Variants in PCDHGB2 observed in about 807,000 individuals in gnomAD.
The protein encoded by PCDHGB2 is protocadherin gamma-B2.
PCDHGB2 carries 55 observed loss-of-function variants against 59.3 expected under a neutral mutation model. The ratio of observed to expected loss-of-function variants is 0.93; its 90% CI spans 0.75 to 1.16. The LOEUF (loss-of-function observed/expected upper bound fraction) is 1.16. Among genes scored for constraint, PCDHGB2 ranks in the 50% most tolerant of loss-of-function variants. The pLI, the probability that PCDHGB2 is intolerant of heterozygous loss-of-function variation, is 0.00. For synonymous variants in PCDHGB2, 516 were observed against 512.0 expected (o/e 1.01, Z -0.11); for missense variants, 1,228 against 1,198.5 (o/e 1.02, Z -0.36).
intron 1 of PCDHGB2, chr5:141,398,925 C>G (rs766149685): frequency 1.1e-5 from 17 of 1,613,966 alleles, no homozygotes; most frequent in Non-Finnish European, 1.4e-5. Flanking sequence ...AAGTGTCAGC[C>G]ACTGACCAAG....
chr5:141,485,226 T>C lies in PCDHGB2; in HGVS notation c.2422-9581T>C. ...GAAATCTGGCGGTGGGCTACCCTTT[T>C]GTTCCTCTTTTACCACCTGGGTTAC... On this transcript the variant is annotated intron_variant, in intron 1 of 3. Transcript: ENST00000522605. The surrounding 1 kb of genome is among the most constrained non-coding windows in gnomAD (Gnocchi z 5.7). 1.9e-6 allele frequency: 3 copies of C among 1,614,170 alleles called. No homozygotes were observed. Among genetic ancestry groups the C allele is most frequent in the Non-Finnish European group, 2.5e-6 (3 of 1,180,026 alleles).
At chr5:141,362,964 A>C (rs1762745634) in intron 1 of PCDHGB2, among the ~76,000 whole-genome samples, 1 of 152,250 alleles carries the variant, frequency 6.6e-6, no homozygotes, top group South Asian at 2.1e-4. Flanking sequence ...TTGGGAAACA[A>C]AGAAGAAAGA....
chr5:141,418,626 C>A (rs1237600131), intron 1 of PCDHGB2: 2 of 1,613,902 alleles, frequency 1.2e-6, no homozygotes, highest in African/African-American at 2.7e-5. Context: ...GAAGACGTGC[C>A]TCCAGGCACC....
intron 1 of PCDHGB2, chr5:141,376,397 C>T (rs761002002): frequency 6.8e-6 from 11 of 1,614,110 alleles, no homozygotes; most frequent in South Asian, 3.3e-5. Flanking sequence ...GATTTTCCCC[C>T]AGCCCAACTA....
intron 1 of PCDHGB2, chr5:141,415,543 G>A (rs1561758242): frequency 6.2e-7 from 1 of 1,614,130 alleles, no homozygotes; most frequent in East Asian, 2.2e-5. Context: ...GGAGAGCTGT[G>A]AGAAAAACGA....
At chr5:141,375,232 C>A in intron 1 of PCDHGB2, 1 of 1,613,986 alleles carries the variant, frequency 6.2e-7, no homozygotes, top group South Asian at 1.1e-5. Context: ...GCCTGGTAAC[C>A]TGTTCCATCC....
In PCDHGB2 at chr5:141,432,017, A is replaced by G. The variant is rs372826902; in HGVS notation, c.2422-62790A>G. The stretch of plus-strand genomic sequence containing the variant: ...TAGGGAACAGGTTCCTAGCTACAAC[A>G]TCACAGTGACCGCCACTGACCGGGG... On this transcript the variant is annotated intron_variant, in intron 1 of 3. Coordinates refer to ENST00000522605, the MANE Select transcript of PCDHGB2 (RefSeq NM_018923.3). This position sits in a 1 kb window ranked among gnomAD's most constrained non-coding sequence, Gnocchi z 6.0. The G allele has an allele frequency of 6.2e-7, 1 of 1,614,224 alleles. No individual in the cohort carries two copies. Among genetic ancestry groups the G allele is most frequent in the Non-Finnish European group, 8.5e-7 (1 of 1,180,038 alleles).
intron 1 of PCDHGB2, chr5:141,390,389 G>C: frequency 7.1e-7 from 1 of 1,405,538 alleles, no homozygotes; most frequent in Non-Finnish European, 9.7e-7. Context: ...AGATGTCATG[G>C]ATCATTTTAG....
intron 1 of PCDHGB2, among the ~76,000 whole-genome samples, chr5:141,381,177 C>G (rs935775632): frequency 6.6e-6 from 1 of 152,214 alleles, no homozygotes; most frequent in African/African-American, 2.4e-5. Context: ...TCCCACAAAA[C>G]GAAGTTAAGC....
chr5:141,405,471 A>C, intron 1 of PCDHGB2: 6 of 1,084,370 alleles, frequency 5.5e-6, no homozygotes, highest in Non-Finnish European at 7.9e-6. Context: ...CCAGGCTGGA[A>C]TGCAGTGGTG....
chr5:141,400,372 A>T, intron 1 of PCDHGB2: 1 of 1,613,980 alleles, frequency 6.2e-7, no homozygotes, highest in South Asian at 1.1e-5. Flanking sequence ...TTATTCCTAC[A>T]ACCTATGTGT....
chr5:141,372,294 G>A (rs536487253), intron 1 of PCDHGB2: 2 of 1,613,280 alleles, frequency 1.2e-6, no homozygotes, highest in Non-Finnish European at 1.7e-6. Flanking sequence ...TACCTTGGGC[G>A]ACAGGGAGGC....
chr5:141,398,171 C>T (rs773536231), intron 1 of PCDHGB2: 3 of 1,476,352 alleles, frequency 2.0e-6, no homozygotes, highest in Non-Finnish European at 2.7e-6. Flanking sequence ...GAGAGGCTGC[C>T]AGTGCTCTTT....
chr5:141,415,980 T>C, intron 1 of PCDHGB2: 1 of 348,656 alleles, frequency 2.9e-6, no homozygotes, highest in Non-Finnish European at 4.8e-6. Context: ...TAAGCAACCC[T>C]CTTGTTCTGA....
At chr5:141,383,054 T>G in intron 1 of PCDHGB2, 3 of 1,613,872 alleles carry the variant, frequency 1.9e-6, no homozygotes, top group Non-Finnish European at 2.5e-6. Context: ...GCCAAGGACC[T>G]GGGGCTGGAG....
intron 1 of PCDHGB2, among the ~76,000 whole-genome samples, chr5:141,435,561 T>A (rs2154556722): frequency 6.6e-6 from 1 of 152,294 alleles, no homozygotes; most frequent in South Asian, 2.1e-4. Flanking sequence ...TGAGTGCTTT[T>A]TTTAGTACTG....
chr5:141,376,250 C>A, intron 1 of PCDHGB2: 1 of 1,614,246 alleles, frequency 6.2e-7, no homozygotes, highest in Non-Finnish European at 8.5e-7. Flanking sequence ...GCACAAGTCA[C>A]GCCTGCTGCA....
In PCDHGB2 at chr5:141,450,141, G is replaced by A. The variant is rs762961199; in HGVS notation, c.2422-44666G>A. On this transcript the variant is annotated intron_variant, in intron 1 of 3. Transcript: ENST00000522605. ...CCTGCCTTAGCCTCCTGAGTAGCTG[G>A]GACTACAGGCATGTGCCACCACACT... Among the ~76,000 whole-genome samples, 401 of 151,622 alleles carry A rather than the reference G, an allele frequency of 2.6e-3. 1 individual carries two copies. The highest frequency in any genetic ancestry group is 3.8e-3 in the Non-Finnish European group (260 of 67,912).
At chr5:141,425,521 C>A (rs2096880944) in intron 1 of PCDHGB2, among the ~76,000 whole-genome samples, 1 of 152,210 alleles carries the variant, frequency 6.6e-6, no homozygotes, top group Non-Finnish European at 1.5e-5. Flanking sequence ...TATGATGAAA[C>A]ATGAAACAAT....
Sources: allele counts gnomAD v4.1 joint callset (sites outside exome capture counted in the v4.1 genomes callset), GRCh38; gene constraint gnomAD v4.1.1; non-coding constraint Gnocchi (gnomAD v3.1); transcripts MANE v1.5; gene names NCBI Gene and HGNC (gene_info 2026-07-23, HGNC 2026-07-21).